AMOTL1: variants seen among roughly 807,000 people sequenced by gnomAD.
AMOTL1 encodes angiomotin like 1, also known as angiomotin-like protein 1.
AMOTL1 carries 45 observed loss-of-function variants against 102.9 expected under a neutral mutation model. That is an observed-to-expected ratio of 0.44 (90% CI 0.34 to 0.56). The LOEUF (loss-of-function observed/expected upper bound fraction) is 0.56, where lower values mean the gene tolerates loss of function less well. Ranked by LOEUF, AMOTL1 falls within the 20% of genes least tolerant of loss-of-function variation. AMOTL1 has a pLI of 0.01. For missense variants in AMOTL1, 1,114 were observed against 1,225.6 expected, an observed-to-expected ratio of 0.91 and a Z score of 1.36; for synonymous variants, 481 against 484.7, an observed-to-expected ratio of 0.99 and a Z score of 0.10.
At chr11:94,778,417 C>T (rs1021581431) in intron 1 of AMOTL1, among the ~76,000 whole-genome samples, 7 of 152,106 alleles carry the variant, frequency 4.6e-5, no homozygotes, top group African/African-American at 1.7e-4. Flanking sequence ...GTTAAGACTC[C>T]AGAACTGGAA....
chr11:94,773,452 A>G (rs1950982086), intron 1 of AMOTL1, among the ~76,000 whole-genome samples: 1 of 152,194 alleles, frequency 6.6e-6, no homozygotes, highest in South Asian at 2.1e-4. Context: ...ATATGCACAG[A>G]TGGACTATCA....
chr11:94,741,658 T>C (rs1285012429), intron 3 of AMOTL1, among the ~76,000 whole-genome samples: 1 of 151,860 alleles, frequency 6.6e-6, no homozygotes, highest in Non-Finnish European at 1.5e-5. Context: ...GAAATGCGAA[T>C]GGGCAGGATC....
intron 2 of AMOTL1, among the ~76,000 whole-genome samples, chr11:94,795,974 G>A (rs899206427): frequency 1.3e-5 from 2 of 152,214 alleles, no homozygotes; most frequent in African/African-American, 4.8e-5. Flanking sequence ...CACGTTTTCA[G>A]TAAATATGGT....
At position 94,747,766 on chromosome 11, in the gene AMOTL1, T is replaced by C. The variant is rs143484547; in HGVS notation, c.136+6778T>C. ...CATTAAGGACCCTGGCTTCTTCCGT[T>C]TCCTGGCTTTACCATCTTCTAGGGG... On this transcript the variant is annotated intron_variant, in intron 3 of 4. Transcript: ENST00000299004. Among the ~76,000 whole-genome samples the C allele has an allele frequency of 1.0e-2, 1,519 of 152,340 alleles. 14 individuals are homozygous for C. Among genetic ancestry groups the C allele is most frequent in the Admixed American group, 0.02 (306 of 15,302 alleles).
intron 1 of AMOTL1, among the ~76,000 whole-genome samples, chr11:94,779,426 C>A (rs1429468113): frequency 6.6e-6 from 1 of 152,092 alleles, no homozygotes; most frequent in Non-Finnish European, 1.5e-5. Context: ...TACAAGTACG[C>A]AAGATAGTTT....
At chr11:94,796,976 A>G in intron 2 of AMOTL1, 10 of 985,412 alleles carry the variant, frequency 1.0e-5, no homozygotes, top group Non-Finnish European at 1.2e-5. Flanking sequence ...ACTGAGAAAA[A>G]CGAGCGTGGC....
chr11:94,833,929 G>A (rs1952122011), intron 6 of AMOTL1, among the ~76,000 whole-genome samples: 1 of 152,218 alleles, frequency 6.6e-6, no homozygotes, highest in African/African-American at 2.4e-5. Flanking sequence ...AGGAGGAGGA[G>A]GTTGGGATTA....
rs1278182707 is a variant in AMOTL1 at position 94,785,210 on chromosome 11, T to A, written c.50-9801T>A. ...TTATCCACAAGTTAAGAATATTTCA[T>A]TACAACTCTCCTAATTTTAATCTAA... On this transcript the variant is annotated intron_variant, in intron 1 of 12. Coordinates refer to ENST00000433060, the MANE Select transcript of AMOTL1 (RefSeq NM_130847.3). 2.0e-5 allele frequency among the ~76,000 whole-genome samples: 3 copies of A among 152,286 alleles called. 1 individual carries two copies. The South Asian group carries it at 6.2e-4, about 32-fold the overall frequency.
rs192979394 is a variant in AMOTL1, at chr11:94,864,963, G to A, written c.2261+103G>A. On this transcript the variant is annotated intron_variant, in intron 10 of 12. Transcript: ENST00000433060. ...TCCTGTTCTGAAAGGCTGTGAGCAT[G>A]AGGTCTCCAAAAACTCTCCTCCCCC... 278 of 1,408,744 alleles carry A rather than the reference G, an allele frequency of 2.0e-4. 1 individual carries two copies. In the African/African-American group the frequency reaches 3.8e-3, roughly 19 times the overall value. The allele number at this position is 1,408,744 out of a possible 1,614,324, so 87.3% of individuals were successfully genotyped here.
chr11:94,854,698 C>T (rs1301583764), intron 8 of AMOTL1, among the ~76,000 whole-genome samples: 3 of 152,046 alleles, frequency 2.0e-5, no homozygotes, highest in South Asian at 2.1e-4. Flanking sequence ...GTTAAAGTTG[C>T]AGAGGCCAGC....
intron 1 of AMOTL1, among the ~76,000 whole-genome samples, chr11:94,725,476 T>C (rs72967840): frequency 0.029 from 4,444 of 152,228 alleles, 100 homozygotes; most frequent in Non-Finnish European, 0.048. Flanking sequence ...ATTAAGTGCC[T>C]CCCTTATGAT....
At chr11:94,827,467 G>T (rs1247825001) in intron 4 of AMOTL1, among the ~76,000 whole-genome samples, 1 of 152,214 alleles carries the variant, frequency 6.6e-6, no homozygotes, top group Non-Finnish European at 1.5e-5. Context: ...AATCAGCAAA[G>T]AAGTGTTAGT....
intron 4 of AMOTL1, among the ~76,000 whole-genome samples, chr11:94,829,014 A>C (rs1352874535): frequency 2.0e-5 from 3 of 152,200 alleles, no homozygotes; most frequent in Non-Finnish European, 4.4e-5. Flanking sequence ...TATCTACATC[A>C]AAATCACACT....
intron 3 of AMOTL1, among the ~76,000 whole-genome samples, chr11:94,747,565 C>A (rs1410851850): frequency 6.6e-6 from 1 of 152,194 alleles, no homozygotes. Flanking sequence ...CCAGTCTCCT[C>A]CTACCCCCTT....
chr11:94,835,064 C>G (rs929508400), intron 6 of AMOTL1, among the ~76,000 whole-genome samples: 11 of 152,190 alleles, frequency 7.2e-5, no homozygotes, highest in African/African-American at 2.7e-4. Context: ...TGCTTAGGAG[C>G]TTGATGCCCT....
chr11:94,844,299 A>G (rs896269063), intron 6 of AMOTL1, among the ~76,000 whole-genome samples: 10 of 152,052 alleles, frequency 6.6e-5, no homozygotes, highest in African/African-American at 2.4e-4. Flanking sequence ...AGCTTGGCCT[A>G]TTTTTATGCC....
chr11:94,757,198 A>G (rs954376379), intron 3 of AMOTL1, among the ~76,000 whole-genome samples: 4 of 152,150 alleles, frequency 2.6e-5, no homozygotes, highest in African/African-American at 9.7e-5. Flanking sequence ...AAATGACCAT[A>G]TTTGGTAAGA....
intron 3 of AMOTL1, among the ~76,000 whole-genome samples, chr11:94,755,206 G>C (rs1565340180): frequency 6.6e-6 from 1 of 152,196 alleles, no homozygotes; most frequent in Non-Finnish European, 1.5e-5. Flanking sequence ...GTGCTTCACT[G>C]TGCTCAATAT....
At chr11:94,714,806 C>A (rs1950071612) in intron 1 of AMOTL1, among the ~76,000 whole-genome samples, 1 of 151,950 alleles carries the variant, frequency 6.6e-6, no homozygotes, top group Non-Finnish European at 1.5e-5. Context: ...CAATTTTTTC[C>A]ACTAATAACC....
Sources: gnomAD v4.1 joint callset for allele counts (sites outside exome capture counted in the v4.1 genomes callset) on GRCh38, gnomAD v4.1.1 for gene constraint, MANE v1.5 for transcripts, NCBI Gene and HGNC (gene_info 2026-07-23, HGNC 2026-07-21) for gene names.